Variants in GALNT13 observed in about 807,000 individuals in gnomAD.
The protein encoded by GALNT13 is polypeptide N-acetylgalactosaminyltransferase 13, also known as UDP-GalNAc:polypeptide N-acetylgalactosaminyltransferase 13.
In GALNT13, 28 loss-of-function variants were observed where a neutral mutation model predicts 64.2. The observed-to-expected ratio is 0.44, with a 90% confidence interval of 0.32 to 0.60. The LOEUF (loss-of-function observed/expected upper bound fraction) is 0.60, where lower values mean the gene tolerates loss of function less well. Ranked by LOEUF, GALNT13 falls within the 20% of genes least tolerant of loss-of-function variation. The pLI, the probability that GALNT13 is intolerant of heterozygous loss-of-function variation, is 0.05. For synonymous variants in GALNT13, 214 were observed against 224.6 expected, an observed-to-expected ratio of 0.95 and a Z score of 0.42; for missense variants, 577 against 669.8, an observed-to-expected ratio of 0.86 and a Z score of 1.53.
At chr2:153,496,993 C>CAAAAAA in the GALNT13 span, among the ~76,000 whole-genome samples, 17 of 90,856 alleles carry the variant, frequency 1.9e-4, no homozygotes, top group African/African-American at 3.2e-4. Flanking sequence ...GATTTTGTCT[C>CAAAAAA]AAAAAAAAAA....
chr2:153,399,190 C>T, the GALNT13 span, among the ~76,000 whole-genome samples: 3 of 146,336 alleles, frequency 2.1e-5, no homozygotes, highest in African/African-American at 7.6e-5. Flanking sequence ...AATCCTTTCC[C>T]CATTGCTTGT....
At chr2:154,191,786 G>A (rs1235220220) in intron 4 of GALNT13, among the ~76,000 whole-genome samples, 2 of 152,108 alleles carry the variant, frequency 1.3e-5, no homozygotes, top group East Asian at 3.9e-4. Flanking sequence ...AGTGTCTAGG[G>A]GTGAATGTTA....
chr2:154,200,704 T>A (rs1438358557), intron 4 of GALNT13, among the ~76,000 whole-genome samples: 1 of 152,092 alleles, frequency 6.6e-6, no homozygotes, highest in Non-Finnish European at 1.5e-5. Flanking sequence ...CTTAATCCCA[T>A]TCACAAGGGA....
intron 2 of GALNT13, among the ~76,000 whole-genome samples, chr2:153,916,708 A>T (rs774025916): frequency 1.3e-5 from 2 of 152,212 alleles, no homozygotes; most frequent in Non-Finnish European, 2.9e-5. Flanking sequence ...TGGTATATTT[A>T]GTTTACCTAT....
the GALNT13 span, among the ~76,000 whole-genome samples, chr2:153,660,787 A>G: frequency 6.6e-6 from 1 of 151,948 alleles, no homozygotes; most frequent in Non-Finnish European, 1.5e-5. Flanking sequence ...TAGCAGAGAG[A>G]AAAGAGCAAG....
intron 1 of GALNT13, among the ~76,000 whole-genome samples, chr2:153,874,948 G>A (rs1686254966): frequency 6.6e-6 from 1 of 152,120 alleles, no homozygotes; most frequent in Non-Finnish European, 1.5e-5. Flanking sequence ...TTGGGACATG[G>A]CATCATTTTT....
the GALNT13 span, among the ~76,000 whole-genome samples, chr2:153,353,189 C>A: frequency 6.6e-6 from 1 of 151,954 alleles, no homozygotes; most frequent in Admixed American, 6.6e-5. Context: ...CATTAGATTT[C>A]TACTTAAGTT....
At chr2:153,886,365 C>T (rs1385027949) in intron 1 of GALNT13, among the ~76,000 whole-genome samples, 1 of 151,498 alleles carries the variant, frequency 6.6e-6, no homozygotes, top group Admixed American at 6.6e-5. Context: ...CTCCCCACTC[C>T]CCCCACCCCG....
Position 154,102,817 on chromosome 2 carries a change from A to G in GALNT13, c.143-37520A>G, listed in dbSNP as rs539433244. On this transcript the variant is annotated intron_variant, in intron 3 of 12. Transcript: ENST00000392825. The stretch of plus-strand genomic sequence containing the variant: ...GTTTTATGAATCTGAGTGCTTGGGT[A>G]TAGAGTGCGTATGTATCTAGGATAG... Among the ~76,000 whole-genome samples, 10 of 152,254 alleles carry G rather than the reference A, an allele frequency of 6.6e-5. No individual in the cohort carries two copies. In the South Asian group the frequency reaches 1.2e-3, roughly 19 times the overall value.
the GALNT13 span, among the ~76,000 whole-genome samples, chr2:153,099,415 C>A: frequency 6.6e-6 from 1 of 152,044 alleles, no homozygotes; most frequent in Non-Finnish European, 1.5e-5. Flanking sequence ...CAAATGTACA[C>A]AAGACTCTCA....
At chr2:153,256,639 G>T in the GALNT13 span, among the ~76,000 whole-genome samples, 2 of 152,176 alleles carry the variant, frequency 1.3e-5, no homozygotes, top group African/African-American at 2.4e-5. Context: ...GTACAGATGG[G>T]ATTTTTGTGT....
chr2:154,421,931 A>C (rs1700272786), intron 11 of GALNT13, among the ~76,000 whole-genome samples: 1 of 152,102 alleles, frequency 6.6e-6, no homozygotes, highest in South Asian at 2.1e-4. Context: ...AAGCATTCAT[A>C]ATGCTCTACA....
the GALNT13 span, among the ~76,000 whole-genome samples, chr2:153,637,620 C>T: frequency 6.6e-6 from 1 of 152,072 alleles, no homozygotes; most frequent in Admixed American, 6.6e-5. Context: ...CCTTTAGATG[C>T]ATGTTATCAA....
At chr2:154,001,600 A>G (rs940684132) in intron 3 of GALNT13, among the ~76,000 whole-genome samples, 3 of 151,976 alleles carry the variant, frequency 2.0e-5, no homozygotes, top group African/African-American at 7.2e-5. Flanking sequence ...TGATGTTTCA[A>G]TTTACATAAT....
intron 3 of GALNT13, among the ~76,000 whole-genome samples, chr2:154,136,814 A>G (rs1682979518): frequency 1.3e-5 from 2 of 152,284 alleles, no homozygotes; most frequent in East Asian, 3.9e-4. Flanking sequence ...CTCTTTTTGA[A>G]GTCTACGCCA....
chr2:154,059,390 C>A (rs945157741), intron 3 of GALNT13, among the ~76,000 whole-genome samples: 1 of 152,092 alleles, frequency 6.6e-6, no homozygotes, highest in Admixed American at 6.6e-5. Context: ...CTGCAAGGAG[C>A]GTGATAAAAT....
chr2:153,357,530 A>G, the GALNT13 span: 1 of 152,346 alleles, frequency 6.6e-6, no homozygotes, highest in East Asian at 1.9e-4. Flanking sequence ...AGATTTCAAA[A>G]TTAAGATGAC....
chr2:153,786,830 T>C, the GALNT13 span, among the ~76,000 whole-genome samples: 1 of 152,132 alleles, frequency 6.6e-6, no homozygotes, highest in Non-Finnish European at 1.5e-5. Context: ...AGACCATAAG[T>C]ATCTGTCCAC....
At chr2:154,358,406 C>T (rs987280692) in intron 9 of GALNT13, among the ~76,000 whole-genome samples, 1 of 151,992 alleles carries the variant, frequency 6.6e-6, no homozygotes, top group Non-Finnish European at 1.5e-5. Flanking sequence ...CATCAACGAA[C>T]AGAAATCATT....
Sources: gnomAD v4.1 joint callset for allele counts (sites outside exome capture counted in the v4.1 genomes callset) on GRCh38, gnomAD v4.1.1 for gene constraint, MANE v1.5 for transcripts, NCBI Gene and HGNC (gene_info 2026-07-23, HGNC 2026-07-21) for gene names.